ATP2C1: variants seen among roughly 807,000 people sequenced by gnomAD.
The protein encoded by ATP2C1 is calcium-transporting ATPase type 2C member 1.
Under a neutral mutation model 120.5 loss-of-function variants are expected in ATP2C1, and 31 were observed. That is an observed-to-expected ratio of 0.26 (90% confidence interval 0.19 to 0.35). The LOEUF (loss-of-function observed/expected upper bound fraction) is 0.35. Ranked by LOEUF, ATP2C1 falls within the 10% of genes least tolerant of loss-of-function variation. The pLI is 1.00. For synonymous variants in ATP2C1, 351 were observed against 358.7 expected (o/e 0.98, Z 0.24); for missense variants, 731 against 1,107.5 (o/e 0.66, Z 4.83).
chr3:130,985,823 A>T (rs1322772315), intron 20 of ATP2C1, among the ~76,000 whole-genome samples: 1 of 152,140 alleles, frequency 6.6e-6, no homozygotes, highest in Non-Finnish European at 1.5e-5. Flanking sequence ...TTGCAGCATG[A>T]TGAGTAGTTG....
At chr3:130,939,476 G>A (rs1193887641) in intron 6 of ATP2C1, among the ~76,000 whole-genome samples, 1 of 152,166 alleles carries the variant, frequency 6.6e-6, no homozygotes, top group African/African-American at 2.4e-5. Context: ...TAGGTTTTAG[G>A]TGGTATGTTT....
chr3:130,893,514 C>T (rs1200051621), upstream of ATP2C1, among the ~76,000 whole-genome samples: 1 of 152,224 alleles, frequency 6.6e-6, no homozygotes, highest in African/African-American at 2.4e-5. Context: ...GTGCGAGACT[C>T]GGGAGGCTGC....
chr3:131,001,841 CT>C lies in ATP2C1; in HGVS notation c.*493del. On this transcript the variant is annotated 3_prime_UTR_variant, in exon 28 of 28. Transcript: ENST00000510168. ...ATTTCAGCTACTGTATTTCCTTTTTCTTGTAATGTAAGCAGCTCAGATACCA... is the reference window on the plus strand; with the variant it reads ...ATTTCAGCTACTGTATTTCCTTTTTCTGTAATGTAAGCAGCTCAGATACCA... The C allele has an allele frequency of 1.0e-6, 1 of 985,812 alleles. No individual in the cohort carries two copies. The highest frequency in any genetic ancestry group is 1.2e-6 in the Non-Finnish European group (1 of 830,122). The allele number at this position is 985,812 out of a possible 1,614,324, so 61.1% of individuals were successfully genotyped here.
upstream of ATP2C1, among the ~76,000 whole-genome samples, chr3:130,889,392 C>A (rs373570230): frequency 1.2e-4 from 18 of 152,244 alleles, no homozygotes; most frequent in African/African-American, 4.3e-4. Context: ...ATATTCATGC[C>A]ATCAAAATCA....
chr3:130,914,245 A>G (rs1023326879), intron 2 of ATP2C1: 1 of 152,174 alleles, frequency 6.6e-6, no homozygotes, highest in Admixed American at 6.5e-5. Context: ...TTTAAAATGA[A>G]AGTGCCCTGT....
chr3:130,873,494 T>A (rs1249146544), intron 1 of ATP2C1, among the ~76,000 whole-genome samples: 1 of 152,238 alleles, frequency 6.6e-6, no homozygotes, highest in Admixed American at 6.5e-5. Context: ...TAAAAGTAAT[T>A]TAAACGTTTT....
At chr3:130,857,688 G>T (rs1047324440) in intron 1 of ATP2C1, among the ~76,000 whole-genome samples, 2 of 152,160 alleles carry the variant, frequency 1.3e-5, no homozygotes, top group African/African-American at 4.8e-5. Flanking sequence ...AATGTGGAGG[G>T]GTTTGTATGG....
chr3:130,949,961 A>G (rs1373860709), intron 8 of ATP2C1, among the ~76,000 whole-genome samples: 1 of 152,014 alleles, frequency 6.6e-6, no homozygotes, highest in Non-Finnish European at 1.5e-5. Flanking sequence ...TTAATTCTAG[A>G]CTCGAGAGGT....
chr3:130,949,910 G>A lies in ATP2C1; in HGVS notation c.532-3911G>A, dbSNP rs72628531. Among the ~76,000 whole-genome samples the A allele has an allele frequency of 0.012, 1,772 of 152,202 alleles. 138 individuals carry two copies. In the East Asian group the frequency reaches 0.21, roughly 18 times the overall value. On this transcript the variant is annotated intron_variant, in intron 8 of 27. Coordinates refer to ENST00000510168, the MANE Select transcript of ATP2C1 (RefSeq NM_001378687.1). ...ATATTTTGGAAGATTGTTTTCTGGG[G>A]AGAGAAATCCATTTCTAATCTGCAT...
chr3:130,992,876 T>C, intron 20 of ATP2C1, 75 bp from the exon 21 acceptor site: 1 of 1,181,214 alleles, frequency 8.5e-7, no homozygotes, highest in Middle Eastern at 2.4e-4. Flanking sequence ...TTTTTCATCA[T>C]TAGTTATGAA....
At chr3:130,953,329 A>G (rs1461636687) in intron 8 of ATP2C1, among the ~76,000 whole-genome samples, 7 of 152,154 alleles carry the variant, frequency 4.6e-5, no homozygotes, top group Non-Finnish European at 7.3e-5. Context: ...AATAAACGGC[A>G]TGTATAACAA....
intron 2 of ATP2C1, chr3:130,919,007 C>G: frequency 2.3e-6 from 1 of 440,038 alleles, no homozygotes; most frequent in Non-Finnish European, 4.5e-6. Context: ...AACAAACAAA[C>G]AAACAAAAAG....
At chr3:130,938,528 C>G (rs1374436779) in intron 6 of ATP2C1, among the ~76,000 whole-genome samples, 2 of 152,148 alleles carry the variant, frequency 1.3e-5, no homozygotes, top group Middle Eastern at 3.2e-3. Context: ...TCTGTAGTAA[C>G]CCAGTGTAGA....
chr3:130,896,786 C>T (rs1576622986), intron 2 of ATP2C1, among the ~76,000 whole-genome samples: 1 of 152,168 alleles, frequency 6.6e-6, no homozygotes, highest in Non-Finnish European at 1.5e-5. Flanking sequence ...TAATCTTTAA[C>T]TCACAGAATT....
intron 18 of ATP2C1, among the ~76,000 whole-genome samples, chr3:130,976,226 G>A (rs1174938400): frequency 6.6e-6 from 1 of 152,172 alleles, no homozygotes; most frequent in Non-Finnish European, 1.5e-5. Context: ...TGTGAAAAAT[G>A]TTTTTATTTG....
chr3:130,900,004 A>T (rs2070012147), intron 2 of ATP2C1, among the ~76,000 whole-genome samples: 1 of 152,098 alleles, frequency 6.6e-6, no homozygotes, highest in Admixed American at 6.6e-5. Context: ...TCCCTCCCTC[A>T]GAAGGAAATA....
chr3:130,930,352 A>G (rs1559936587), intron 2 of ATP2C1, 64 bp from the exon 3 acceptor site: 4 of 1,046,604 alleles, frequency 3.8e-6, no homozygotes, highest in Non-Finnish European at 4.5e-6. Flanking sequence ...GATTTTTATT[A>G]TTCTAGACTG....
chr3:130,859,880 C>T (rs1250467606), intron 1 of ATP2C1, among the ~76,000 whole-genome samples: 3 of 152,038 alleles, frequency 2.0e-5, no homozygotes, highest in Non-Finnish European at 4.4e-5. Flanking sequence ...TTAGAAATCA[C>T]AACAAATTAC....
rs200037424 is a variant in ATP2C1 at position 131,001,691 on chromosome 3, AT to A, written c.*350del. ...TACACTATCTATCTTAGATAGATAT[AT>A]TTTTTTTTATTTTTAAATATTGTAC... is the stretch of plus-strand genomic sequence containing the variant. On this transcript the variant is annotated 3_prime_UTR_variant, in exon 28 of 28. Transcript: ENST00000510168. The A allele has an allele frequency of 1.0e-3, 993 of 955,846 alleles. 17 individuals are homozygous for A. In the Admixed American group the frequency reaches 0.037, roughly 35 times the overall value. The allele number at this position is 955,846 out of a possible 1,614,324, so 59.2% of individuals were successfully genotyped here.
Sources: gnomAD v4.1 joint callset for allele counts (sites outside exome capture counted in the v4.1 genomes callset) on GRCh38, gnomAD v4.1.1 for gene constraint, MANE v1.5 for transcripts, NCBI Gene and HGNC (gene_info 2026-07-23, HGNC 2026-07-21) for gene names.